The following PKD1L1 variants were observed in gnomAD, a reference collection of about 807,000 sequenced individuals.
PKD1L1 encodes polycystin 1 like 1, transient receptor potential channel interacting.
PKD1L1 carries 236 observed loss-of-function variants against 323.4 expected under a neutral mutation model. That is an observed-to-expected ratio of 0.73 (90% CI 0.66 to 0.81). The LOEUF is 0.81. Among genes scored for constraint, PKD1L1 ranks in the 40% least tolerant of loss-of-function variants. The pLI is 0.00. For synonymous variants in PKD1L1, 1,344 were observed against 1,335.0 expected (o/e 1.01, Z -0.15); for missense variants, 3,320 against 3,508.0 (o/e 0.95, Z 1.35).
intron 15 of PKD1L1, among the ~76,000 whole-genome samples, chr7:47,891,917 A>G (rs1786827930): frequency 1.3e-5 from 2 of 152,222 alleles, no homozygotes; most frequent in African/African-American, 4.8e-5. Flanking sequence ...GGGGAGTCCA[A>G]GCAGCCTTTT....
At chr7:47,851,921 C>A (rs1243453552) in intron 31 of PKD1L1, among the ~76,000 whole-genome samples, 1 of 152,040 alleles carries the variant, frequency 6.6e-6, no homozygotes, top group Non-Finnish European at 1.5e-5. Context: ...TGAACTTTGA[C>A]CTACTTCTGA....
chr7:47,829,373 A>G, intron 44 of PKD1L1, 52 bp downstream of exon 44: 1 of 1,492,562 alleles, frequency 6.7e-7, no homozygotes, highest in South Asian at 1.3e-5. Flanking sequence ...ATGATAGAAT[A>G]TAAAGTAGTT....
chr7:47,874,974 T>G (rs1786372735), intron 23 of PKD1L1, among the ~76,000 whole-genome samples: 1 of 152,228 alleles, frequency 6.6e-6, no homozygotes, highest in Non-Finnish European at 1.5e-5. Flanking sequence ...CTGACACTGC[T>G]CTGGGACTGT....
At chr7:47,787,192 A>C (rs1380139809) in intron 56 of PKD1L1, among the ~76,000 whole-genome samples, 1 of 152,178 alleles carries the variant, frequency 6.6e-6, no homozygotes, top group Admixed American at 6.5e-5. Context: ...GACCAATGAC[A>C]TTCCTGGTTC....
In PKD1L1 at chr7:47,813,935, C is replaced by A. The variant is rs1453614865; in HGVS notation, c.7169G>T (p.Cys2390Phe). The A allele has an allele frequency of 1.2e-6, 2 of 1,613,142 alleles. No homozygotes were observed. The highest frequency in any genetic ancestry group is 8.5e-7 in the Non-Finnish European group (1 of 1,179,116). The part of the protein sequence containing the change: ...RQLKVFPRHL[C>F]KPPRPFSALI... ...AAAGGAAAAGGAACATCTTACCTTGCATAAATGCCTAGGAAAAACTTTTAG... is the reference window on the plus strand; with the variant it reads ...AAAGGAAAAGGAACATCTTACCTTGAATAAATGCCTAGGAAAAACTTTTAG... The change falls in exon 48 of 57, where the codon TGC becomes TTC. Residue 2390 changes from cysteine (C) to phenylalanine (F), a missense_variant. Physicochemically the swap from Cys to Phe is radical, Grantham distance 205 (BLOSUM62 -2). Transcript: ENST00000289672.
At position 47,839,723 on chromosome 7, in the gene PKD1L1, T is replaced by C; in HGVS notation, c.5553-61A>G. 6.8e-7 allele frequency: 1 copy of C among 1,472,798 alleles called. No homozygotes were observed. Among genetic ancestry groups the C allele is most frequent in the Non-Finnish European group, 9.2e-7 (1 of 1,083,362 alleles). The allele number at this position is 1,472,798 out of a possible 1,614,324, so 91.2% of individuals were successfully genotyped here. A position where few individuals can be genotyped will look rare whatever the true frequency, so the allele number is the denominator to read the frequency against. The stretch of plus-strand genomic sequence containing the variant: ...GTGACAGTGTGGTCCTGGCATCCCA[T>C]CAGCCCCAATGCTCACCCTCAAGGC... On this transcript the variant is annotated intron_variant, in intron 35 of 56. Transcript: ENST00000289672. This position sits in a 1 kb window ranked among gnomAD's most constrained non-coding sequence, Gnocchi z 4.3.
chr7:47,815,250 C>A (rs1784990255), intron 47 of PKD1L1, 84 bp downstream of exon 47: 1 of 1,521,158 alleles, frequency 6.6e-7, no homozygotes, highest in Non-Finnish European at 8.9e-7. Context: ...TGCAGTGCTG[C>A]AGTTCAGCAT....
intron 31 of PKD1L1, among the ~76,000 whole-genome samples, chr7:47,852,401 C>T (rs1785800527): frequency 6.6e-6 from 1 of 152,148 alleles, no homozygotes; most frequent in South Asian, 2.1e-4. Context: ...TTAAAAGAAA[C>T]AAATACTGGT....
At chr7:47,848,022 A>G (rs1302261995) in intron 31 of PKD1L1, among the ~76,000 whole-genome samples, 1 of 152,242 alleles carries the variant, frequency 6.6e-6, no homozygotes, top group Non-Finnish European at 1.5e-5. Context: ...ACCCAACTTA[A>G]TTCATATAAA....
At chr7:47,908,324 G>A in intron 8 of PKD1L1, 74 bp from the exon 9 acceptor site, 1 of 1,383,300 alleles carries the variant, frequency 7.2e-7, no homozygotes, top group East Asian at 2.3e-5. Flanking sequence ...TTGTAGAATG[G>A]TCAAAATGGG....
chr7:47,801,447 C>T (rs1784660063), intron 53 of PKD1L1, among the ~76,000 whole-genome samples: 1 of 152,214 alleles, frequency 6.6e-6, no homozygotes, highest in Non-Finnish European at 1.5e-5. Context: ...CTCACTCCAT[C>T]TGCTCCAACC....
intron 8 of PKD1L1, among the ~76,000 whole-genome samples, chr7:47,914,127 G>A (rs1787379890): frequency 6.6e-6 from 1 of 152,106 alleles, no homozygotes; most frequent in African/African-American, 2.4e-5. Flanking sequence ...AAGAAACAGA[G>A]GGATAAGGAC....
At chr7:47,912,010 G>A (rs573892995) in intron 8 of PKD1L1, among the ~76,000 whole-genome samples, 4 of 151,754 alleles carry the variant, frequency 2.6e-5, no homozygotes, top group Admixed American at 2.6e-4. Context: ...AGAAAAGGAG[G>A]GAGAAAAGAC....
Position 47,814,027 on chromosome 7 carries a change from A to G in PKD1L1, c.7090-13T>C, listed in dbSNP as rs774637310. The G allele has an allele frequency of 1.9e-6, 3 of 1,610,818 alleles. No individual in the cohort carries two copies. Among genetic ancestry groups the G allele is most frequent in the East Asian group, 4.5e-5 (2 of 44,886 alleles). ...CAAGAGCTCCAGGCTGAAAGGAGAA[A>G]AAAGATGATGAGGACTGGGTGTGCT... On this transcript the variant is annotated splice_polypyrimidine_tract_variant and intron_variant, in intron 47 of 56. Coordinates refer to ENST00000289672, the MANE Select transcript of PKD1L1 (RefSeq NM_138295.5).
intron 26 of PKD1L1, among the ~76,000 whole-genome samples, chr7:47,862,622 A>G (rs1786057490): frequency 6.6e-6 from 1 of 152,098 alleles, no homozygotes; most frequent in Non-Finnish European, 1.5e-5. Context: ...GGAAGAGAGG[A>G]TAATAATAAT....
In PKD1L1 at chr7:47,880,255, TATATATATAC is replaced by T. The variant is rs1202086814; in HGVS notation, c.3520+463_3520+472del. 1.0e-2 allele frequency among the ~76,000 whole-genome samples: 1,001 copies of T among 100,232 alleles called. 15 individuals are homozygous for T. Among genetic ancestry groups the T allele is most frequent in the Middle Eastern group, 0.018 (4 of 224 alleles). 65.8% of individuals were successfully genotyped at this position (100,232 alleles called of 152,430 possible). A position where few individuals can be genotyped will look rare whatever the true frequency, so the allele number is the denominator to read the frequency against. On this transcript the variant is annotated intron_variant, in intron 21 of 56. Transcript: ENST00000289672. Reference sequence around the variant, plus strand: ...TTGTCTAGCATAAATAAGATATATATATATATATACATATATATATATATATATATTTTTT... The same window carrying T: ...TTGTCTAGCATAAATAAGATATATATATATATATATATATATATATTTTTT...
chr7:47,889,481 GGGGCT>G (rs1786761006), intron 16 of PKD1L1, among the ~76,000 whole-genome samples: 1 of 152,102 alleles, frequency 6.6e-6, no homozygotes, highest in Non-Finnish European at 1.5e-5. Context: ...CGGGGCCTGT[GGGGCT>G]CCCTGGGCAG....
In PKD1L1 at chr7:47,827,517, G is replaced by T. The variant is rs751370359; in HGVS notation, c.6736-49C>A. 13 of 1,505,942 alleles carry T rather than the reference G, an allele frequency of 8.6e-6. No individual in the cohort carries two copies. The African/African-American group carries it at 9.6e-5, about 11-fold the overall frequency. 93.3% of individuals were successfully genotyped at this position (1,505,942 alleles called of 1,614,324 possible). ...AGCTGCGGGCTGGTGGGTGGAAGGA[G>T]AGAGGCCCCTGGTGCTCCTGCCAAG... is the stretch of plus-strand genomic sequence containing the variant. On this transcript the variant is annotated intron_variant, in intron 44 of 56. Coordinates refer to ENST00000289672, the MANE Select transcript of PKD1L1 (RefSeq NM_138295.5).
Position 47,888,065 on chromosome 7 carries a change from A to G in PKD1L1, c.2761T>C (p.Cys921Arg), listed in dbSNP as rs186526114. Reference protein sequence around the residue: ...ELSLQAMCEDCSEIPNLSYSW... With the variant: ...ELSLQAMCEDRSEIPNLSYSW... ...TAAGACAGATTCGGTATTTCACTGC[A>G]GTCCTCACACATAGCTTGAAGAGAG... is the stretch of plus-strand genomic sequence containing the variant. Residue 921 changes from cysteine to arginine, a missense_variant, in exon 17 of 57, where the codon TGC (cysteine) becomes CGC (arginine). Physicochemically the swap from Cys to Arg is radical, Grantham distance 180 (BLOSUM62 -3). Transcript: ENST00000289672. The G allele has an allele frequency of 1.6e-4, 256 of 1,613,966 alleles. No individual in the cohort carries two copies. Among genetic ancestry groups the G allele is most frequent in the Non-Finnish European group, 2.0e-4 (239 of 1,179,824 alleles).
Sources: gnomAD v4.1 joint callset for allele counts (sites outside exome capture counted in the v4.1 genomes callset) on GRCh38, gnomAD v4.1.1 for gene constraint, Gnocchi (gnomAD v3.1) non-coding constraint, MANE v1.5 for transcripts, NCBI Gene and HGNC (gene_info 2026-07-23, HGNC 2026-07-21) for gene names.